The following GRID1 variants were observed in gnomAD, a reference collection of about 807,000 sequenced individuals.
GRID1 encodes glutamate ionotropic receptor delta type subunit 1, also known as glutamate receptor ionotropic, delta-1.
Under a neutral mutation model 98.0 loss-of-function variants are expected in GRID1, and 28 were observed. That is an observed-to-expected ratio of 0.29 (90% CI 0.21 to 0.39). GRID1 has a LOEUF of 0.39. Among genes scored for constraint, GRID1 ranks in the 10% least tolerant of loss-of-function variants. The pLI, the probability that GRID1 is intolerant of heterozygous loss-of-function variation, is 1.00. For missense variants in GRID1, 1,111 were observed against 1,340.5 expected (o/e 0.83, Z 2.67); for synonymous variants, 553 against 538.5 (o/e 1.03, Z -0.37).
intron 3 of GRID1, among the ~76,000 whole-genome samples, chr10:86,182,099 C>T (rs1357895502): frequency 6.6e-6 from 1 of 152,182 alleles, no homozygotes; most frequent in East Asian, 1.9e-4. Context: ...CATCAGTCTC[C>T]GTGGGTGCAG....
rs565712581 is a variant in GRID1 at position 86,192,581 on chromosome 10, G to T, written c.520+13783C>A. The stretch of plus-strand genomic sequence containing the variant: ...TTGAATGAGTACAGAGTTTCGGTTT[G>T]GGAAGATGAGAACCTTCTGGAGATG... On this transcript the variant is annotated intron_variant, in intron 3 of 15. Transcript: ENST00000327946. This position sits in a 1 kb window ranked among gnomAD's most constrained non-coding sequence, Gnocchi z 4.8. 6.7e-6 allele frequency among the ~76,000 whole-genome samples: 1 copy of T among 150,044 alleles called. No homozygotes were observed. The highest frequency in any genetic ancestry group is 2.4e-5 in the African/African-American group (1 of 41,256).
rs566189714 is a variant in GRID1, at chr10:85,822,816, A to G, written c.1233+31680T>C. The stretch of plus-strand genomic sequence containing the variant: ...ATGTCCAACAATGATAGATTGGATT[A>G]AGAAAATGTGGCACATATACACCAT... On this transcript the variant is annotated intron_variant, in intron 8 of 15. Coordinates refer to ENST00000327946, the MANE Select transcript of GRID1 (RefSeq NM_017551.3). Among the ~76,000 whole-genome samples the G allele has an allele frequency of 2.0e-5, 3 of 152,370 alleles. No individual in the cohort carries two copies. In the East Asian group the frequency reaches 5.8e-4, roughly 29 times the overall value.
chr10:86,315,488 C>A (rs1042872540), intron 2 of GRID1, among the ~76,000 whole-genome samples: 6 of 152,196 alleles, frequency 3.9e-5, no homozygotes, highest in African/African-American at 1.2e-4. Context: ...CCTCTCAGAA[C>A]TACTACAGCC....
chr10:85,845,014 T>G (rs551794153), intron 8 of GRID1, among the ~76,000 whole-genome samples: 36 of 152,012 alleles, frequency 2.4e-4, no homozygotes, highest in African/African-American at 8.7e-4. Flanking sequence ...TTATAAATTA[T>G]CTTCTGATAT....
intron 2 of GRID1, among the ~76,000 whole-genome samples, chr10:86,358,050 A>G (rs957931887): frequency 6.6e-6 from 1 of 152,184 alleles, no homozygotes; most frequent in Admixed American, 6.5e-5. Context: ...AGTTTCCTCC[A>G]GGAACTTCCT....
chr10:85,971,725 C>T (rs1033949425), intron 4 of GRID1, among the ~76,000 whole-genome samples: 2 of 152,072 alleles, frequency 1.3e-5, no homozygotes, highest in Admixed American at 1.3e-4. Flanking sequence ...GTATCTGAAA[C>T]TTTCATACAG....
chr10:86,006,198 G>A (rs1842858566), intron 4 of GRID1, among the ~76,000 whole-genome samples: 2 of 152,208 alleles, frequency 1.3e-5, no homozygotes, highest in Non-Finnish European at 2.9e-5. Flanking sequence ...TGGCAGGTCA[G>A]GTCATCAGAC....
At chr10:86,062,604 G>A (rs1843664736) in intron 4 of GRID1, among the ~76,000 whole-genome samples, 1 of 152,210 alleles carries the variant, frequency 6.6e-6, no homozygotes, top group Non-Finnish European at 1.5e-5. Flanking sequence ...TGGGGAGTCT[G>A]TGTAGGAATA....
chr10:85,714,342 C>A (rs1841614866), intron 12 of GRID1, among the ~76,000 whole-genome samples: 1 of 151,894 alleles, frequency 6.6e-6, no homozygotes, highest in Admixed American at 6.6e-5. Flanking sequence ...ATCTGTACAT[C>A]AAACCCCCAT....
chr10:85,886,950 G>A (rs1473236076), intron 5 of GRID1, among the ~76,000 whole-genome samples: 12 of 152,250 alleles, frequency 7.9e-5, no homozygotes, highest in African/African-American at 2.4e-4. Context: ...GGAAGACCTA[G>A]ATCTATCAAA....
chr10:85,780,957 G>A (rs1006460881), intron 8 of GRID1, among the ~76,000 whole-genome samples: 1 of 152,218 alleles, frequency 6.6e-6, no homozygotes, highest in African/African-American at 2.4e-5. Flanking sequence ...TGGCCCAGGG[G>A]TGTGTCCATG....
chr10:85,683,140 T>G (rs73326691), intron 12 of GRID1, among the ~76,000 whole-genome samples: 1 of 152,164 alleles, frequency 6.6e-6, no homozygotes, highest in Non-Finnish European at 1.5e-5. Context: ...TCTCTGTCTG[T>G]CTGAAACTTA....
rs1490582051 is a variant in GRID1, at chr10:85,916,670, G to T, written c.727-431C>A. ...GGCTTGTCTAGTCCAGCTGTACTGA[G>T]TGACATTCAGGAAGACAGCAGCTCA... On this transcript the variant is annotated intron_variant, in intron 4 of 15. Coordinates refer to ENST00000327946, the MANE Select transcript of GRID1 (RefSeq NM_017551.3). This position sits in a 1 kb window ranked among gnomAD's most constrained non-coding sequence, Gnocchi z 4.0. Among the ~76,000 whole-genome samples, 1 of 152,212 alleles carries T rather than the reference G, an allele frequency of 6.6e-6. No individual in the cohort carries two copies. The highest frequency in any genetic ancestry group is 2.4e-5 in the African/African-American group (1 of 41,452).
At chr10:85,638,608 A>G (rs1843077558) in intron 13 of GRID1, among the ~76,000 whole-genome samples, 1 of 152,202 alleles carries the variant, frequency 6.6e-6, no homozygotes, top group South Asian at 2.1e-4. Flanking sequence ...AATTATTTTA[A>G]TAATGGTGAT....
intron 4 of GRID1, among the ~76,000 whole-genome samples, chr10:85,917,493 G>C (rs1239473445): frequency 6.6e-6 from 1 of 152,202 alleles, no homozygotes; most frequent in Non-Finnish European, 1.5e-5. Flanking sequence ...TATCAGACAA[G>C]TGTTTTCATT....
chr10:85,894,776 A>C (rs556958970), intron 5 of GRID1, among the ~76,000 whole-genome samples: 1 of 151,972 alleles, frequency 6.6e-6, no homozygotes, highest in East Asian at 1.9e-4. Context: ...GGGAGGCCAA[A>C]ATAGGCAGAT....
At position 85,723,382 on chromosome 10, in the gene GRID1, G is replaced by A. The variant is rs527373857; in HGVS notation, c.1859-241C>T. Among the ~76,000 whole-genome samples, 3 of 152,324 alleles carry A rather than the reference G, an allele frequency of 2.0e-5. No individual in the cohort carries two copies. The South Asian group carries it at 6.2e-4, about 32-fold the overall frequency. The stretch of plus-strand genomic sequence containing the variant: ...TGAAAAAGTTAGGACTGGGCTTCTA[G>A]TGGTGCGAAGGTTGTCAAAACACCA... On this transcript the variant is annotated intron_variant, in intron 11 of 15. Coordinates refer to ENST00000327946, the MANE Select transcript of GRID1 (RefSeq NM_017551.3).
intron 2 of GRID1, among the ~76,000 whole-genome samples, chr10:86,240,974 T>C (rs1846619416): frequency 6.6e-6 from 1 of 152,192 alleles, no homozygotes; most frequent in Non-Finnish European, 1.5e-5. Flanking sequence ...CCACTGGCCC[T>C]GGGGACATGA....
At chr10:85,960,663 C>A (rs1193870444) in intron 4 of GRID1, among the ~76,000 whole-genome samples, 1 of 152,234 alleles carries the variant, frequency 6.6e-6, no homozygotes, top group African/African-American at 2.4e-5. Context: ...ACCCCACCTG[C>A]AAGAATCTCT....
Sources: gnomAD v4.1 joint callset for allele counts (sites outside exome capture counted in the v4.1 genomes callset) on GRCh38, gnomAD v4.1.1 for gene constraint, Gnocchi (gnomAD v3.1) non-coding constraint, MANE v1.5 for transcripts, NCBI Gene and HGNC (gene_info 2026-07-23, HGNC 2026-07-21) for gene names.